The following MGAT4C variants were observed in gnomAD, a reference collection of about 807,000 sequenced individuals.
MGAT4C encodes MGAT4 family member C, also known as alpha-1,3-mannosyl-glycoprotein 4-beta-N-acetylglucosaminyltransferase C.
Under a neutral mutation model 40.1 loss-of-function variants are expected in MGAT4C, and 19 were observed. The observed-to-expected ratio is 0.47, with a 90% CI of 0.33 to 0.70. MGAT4C has a LOEUF of 0.70. MGAT4C is among the 30% of genes least tolerant of loss of function. MGAT4C has a pLI of 0.02. For synonymous variants in MGAT4C, 181 were observed against 187.1 expected (o/e 0.97, Z 0.27); for missense variants, 491 against 563.2 (o/e 0.87, Z 1.30).
At chr12:86,129,542 A>ATT (rs1566024215) in intron 1 of MGAT4C, among the ~76,000 whole-genome samples, 6 of 34,738 alleles carry the variant, frequency 1.7e-4, no homozygotes, top group African/African-American at 2.6e-4. Flanking sequence ...TGCTTACACA[A>ATT]TCTTTTTTTT....
At chr12:86,759,838 T>C (rs1407730692) in intron 1 of MGAT4C, among the ~76,000 whole-genome samples, 1 of 152,134 alleles carries the variant, frequency 6.6e-6, no homozygotes, top group African/African-American at 2.4e-5. Context: ...ATTGTGTAGG[T>C]TGCCTCTTTT....
At chr12:86,690,827 C>T (rs1950159331) in intron 2 of MGAT4C, among the ~76,000 whole-genome samples, 1 of 152,146 alleles carries the variant, frequency 6.6e-6, no homozygotes, top group South Asian at 2.1e-4. Context: ...CTTTCCTTTT[C>T]TAGCTTTAAT....
At chr12:86,296,490 C>T (rs572177463) in intron 4 of MGAT4C, among the ~76,000 whole-genome samples, 2 of 152,158 alleles carry the variant, frequency 1.3e-5, no homozygotes, top group Non-Finnish European at 2.9e-5. Flanking sequence ...TGCACAGGAA[C>T]TCATGGAGGT....
At chr12:86,147,272 C>T (rs1883656108) in intron 1 of MGAT4C, among the ~76,000 whole-genome samples, 2 of 151,592 alleles carry the variant, frequency 1.3e-5, no homozygotes, top group South Asian at 2.1e-4. Context: ...GACGTAGTCT[C>T]GCTCTGTCGC....
chr12:86,610,252 A>G (rs933211092), intron 2 of MGAT4C, among the ~76,000 whole-genome samples: 1 of 152,154 alleles, frequency 6.6e-6, no homozygotes, highest in Non-Finnish European at 1.5e-5. Flanking sequence ...AGGTTAATTT[A>G]AAAATGCTGA....
intron 2 of MGAT4C, among the ~76,000 whole-genome samples, chr12:86,603,734 A>G (rs1357096154): frequency 7.5e-6 from 1 of 133,254 alleles, no homozygotes; most frequent in Non-Finnish European, 1.6e-5. Context: ...CTATATAATT[A>G]TATATACTAT....
intron 1 of MGAT4C, among the ~76,000 whole-genome samples, chr12:86,207,761 A>T (rs1306420485): frequency 2.0e-5 from 3 of 152,198 alleles, no homozygotes; most frequent in African/African-American, 2.4e-5. Context: ...CTAATTTTTT[A>T]AAAAAGCAAT....
intron 2 of MGAT4C, among the ~76,000 whole-genome samples, chr12:86,626,192 A>C (rs1482485767): frequency 6.6e-6 from 1 of 152,174 alleles, no homozygotes; most frequent in Admixed American, 6.5e-5. Context: ...TCCTGCTGTG[A>C]AGAAGATTTT....
intron 1 of MGAT4C, among the ~76,000 whole-genome samples, chr12:86,243,351 T>C (rs966326580): frequency 6.6e-6 from 1 of 152,198 alleles, no homozygotes. Flanking sequence ...TCTGAGAATG[T>C]TCTGTGATTG....
At chr12:86,533,474 C>G (rs1205247605) in intron 2 of MGAT4C, among the ~76,000 whole-genome samples, 1 of 151,802 alleles carries the variant, frequency 6.6e-6, no homozygotes, top group Non-Finnish European at 1.5e-5. Context: ...GGCTCTTCTA[C>G]TCTGACACTG....
chr12:86,047,008 T>A (rs1892459887), intron 2 of MGAT4C, among the ~76,000 whole-genome samples: 1 of 152,188 alleles, frequency 6.6e-6, no homozygotes, highest in Non-Finnish European at 1.5e-5. Flanking sequence ...TTCTTAGTGG[T>A]AGAGGAAATA....
intron 1 of MGAT4C, among the ~76,000 whole-genome samples, chr12:86,775,020 C>T (rs1384898850): frequency 1.1e-4 from 17 of 152,102 alleles, no homozygotes; most frequent in Admixed American, 1.1e-3. Context: ...CATACCAAAG[C>T]TTTGTCTTTT....
chr12:86,545,750 A>T (rs1317050327), intron 2 of MGAT4C, among the ~76,000 whole-genome samples: 6 of 151,858 alleles, frequency 4.0e-5, no homozygotes, highest in Admixed American at 3.9e-4. Flanking sequence ...TCGGCTTGAT[A>T]GAAGGGAATT....
intron 4 of MGAT4C, among the ~76,000 whole-genome samples, chr12:86,320,703 T>C (rs960823003): frequency 6.6e-6 from 1 of 152,122 alleles, no homozygotes; most frequent in East Asian, 1.9e-4. Context: ...CCAAAAATCA[T>C]GATTTTCTAC....
Position 85,974,665 on chromosome 12 carries a change from T to C in MGAT4C, c.*4624A>G, listed in dbSNP as rs1883833640. 6.7e-6 allele frequency: 1 copy of C among 150,264 alleles called. No homozygotes were observed. The highest frequency in any genetic ancestry group is 2.4e-5 in the African/African-American group (1 of 41,136). The allele number at this position is 150,264 out of a possible 1,614,324, so 9.3% of individuals were successfully genotyped here. On this transcript the variant is annotated 3_prime_UTR_variant, in exon 5 of 5. Transcript: ENST00000611864. Reference sequence around the variant, plus strand: ...TAAAAGATATATCCTCTGTTTGGGATAAATAAAAAAAAAGTTTAAAAGCAA... The same window carrying C: ...TAAAAGATATATCCTCTGTTTGGGACAAATAAAAAAAAAGTTTAAAAGCAA...
At chr12:86,574,563 A>G (rs1960489035) in intron 2 of MGAT4C, among the ~76,000 whole-genome samples, 1 of 151,796 alleles carries the variant, frequency 6.6e-6, no homozygotes. Context: ...AATGTTTAAG[A>G]TTAGTGATGT....
intron 2 of MGAT4C, among the ~76,000 whole-genome samples, chr12:86,048,552 A>C (rs1045229407): frequency 3.3e-5 from 5 of 152,150 alleles, no homozygotes; most frequent in Admixed American, 6.6e-5. Context: ...AAAATCAGTG[A>C]ACTGGATATA....
chr12:86,741,097 C>T (rs1045065952), intron 1 of MGAT4C, among the ~76,000 whole-genome samples: 1 of 151,032 alleles, frequency 6.6e-6, no homozygotes, highest in African/African-American at 2.4e-5. Context: ...TGAGAACATG[C>T]AGTACTTGGT....
chr12:86,516,572 A>C (rs1259907207), intron 2 of MGAT4C, among the ~76,000 whole-genome samples: 4 of 152,146 alleles, frequency 2.6e-5, no homozygotes, highest in Admixed American at 2.6e-4. Flanking sequence ...TTTTTTTTCT[A>C]ATATGAGACC....
Sources: gnomAD v4.1 joint callset for allele counts (sites outside exome capture counted in the v4.1 genomes callset) on GRCh38, gnomAD v4.1.1 for gene constraint, MANE v1.5 for transcripts, NCBI Gene and HGNC (gene_info 2026-07-23, HGNC 2026-07-21) for gene names.